Variants in DSCAML1 observed in about 807,000 individuals in gnomAD.
DSCAML1 encodes DS cell adhesion molecule like 1.
In DSCAML1, 38 loss-of-function variants were observed where a neutral mutation model predicts 200.5. The ratio of observed to expected loss-of-function variants is 0.19; its 90% CI spans 0.15 to 0.25. The LOEUF (loss-of-function observed/expected upper bound fraction) is 0.25. Among genes scored for constraint, DSCAML1 ranks in the 10% least tolerant of loss-of-function variants. DSCAML1 has a pLI of 1.00. For missense variants in DSCAML1, 2,223 were observed against 2,858.8 expected (o/e 0.78, Z 5.07); for synonymous variants, 1,215 against 1,165.0 (o/e 1.04, Z -0.87).
chr11:117,590,729 A>G (rs2051242683), intron 3 of DSCAML1, among the ~76,000 whole-genome samples: 1 of 152,228 alleles, frequency 6.6e-6, no homozygotes, highest in Non-Finnish European at 1.5e-5. Context: ...GCTGGGACCC[A>G]CTGTGCAGTG....
At chr11:117,591,352 G>A (rs1196287768) in intron 3 of DSCAML1, among the ~76,000 whole-genome samples, 2 of 152,122 alleles carry the variant, frequency 1.3e-5, no homozygotes, top group East Asian at 1.9e-4. Flanking sequence ...CGTCCTGAGC[G>A]CCTGCCTCTG....
intron 1 of DSCAML1, among the ~76,000 whole-genome samples, chr11:117,788,322 TTTGTTG>T (rs529711188): frequency 1.2e-4 from 19 of 152,168 alleles, no homozygotes; most frequent in South Asian, 1.2e-3. Context: ...TGTTTTTGTT[TTTGTTG>T]TTGTTGTTGT....
rs57956623 is a variant in DSCAML1 at position 117,689,382 on chromosome 11, A to G, written c.511+87409T>C. ...AAAATTTCAGGCCCTGCCCTGAGAA[A>G]TCAGAGCCTGTCTGATAACACAAAC... On this transcript the variant is annotated intron_variant, in intron 3 of 32. Coordinates refer to ENST00000651296, the MANE Select transcript of DSCAML1 (RefSeq NM_020693.4). Among the ~76,000 whole-genome samples the G allele has an allele frequency of 6.6e-3, 1,012 of 152,344 alleles. 17 individuals carry two copies. Among genetic ancestry groups the G allele is most frequent in the African/African-American group, 0.023 (950 of 41,584 alleles).
At chr11:117,557,945 G>A (rs2050589110) in intron 3 of DSCAML1, among the ~76,000 whole-genome samples, 1 of 152,066 alleles carries the variant, frequency 6.6e-6, no homozygotes, top group African/African-American at 2.4e-5. Context: ...GCATCTAGTG[G>A]GTAAAGGCCA....
chr11:117,595,379 T>C (rs2051344437), intron 3 of DSCAML1, among the ~76,000 whole-genome samples: 1 of 152,216 alleles, frequency 6.6e-6, no homozygotes, highest in Non-Finnish European at 1.5e-5. Context: ...CAACAAGAGA[T>C]AGACTTGGTA....
intron 3 of DSCAML1, among the ~76,000 whole-genome samples, chr11:117,772,908 C>T (rs2055065146): frequency 6.6e-6 from 1 of 152,184 alleles, no homozygotes; most frequent in African/African-American, 2.4e-5. Context: ...ATGCTTTACA[C>T]ACATCTTTAA....
chr11:117,591,021 T>C (rs2051248410), intron 3 of DSCAML1, among the ~76,000 whole-genome samples: 1 of 152,090 alleles, frequency 6.6e-6, no homozygotes, highest in Admixed American at 6.5e-5. Context: ...TTGTGAAATA[T>C]GAGTGATGGG....
chr11:117,450,699 A>T lies in DSCAML1; in HGVS notation c.3569-11T>A, dbSNP rs1200180582. On this transcript the variant is annotated splice_polypyrimidine_tract_variant and intron_variant, in intron 19 of 32. Coordinates refer to ENST00000651296, the MANE Select transcript of DSCAML1 (RefSeq NM_020693.4). ...CAGGGGGACCTGGAACTGAGCAGGG[A>T]GAAGGCCTGGTCAGTTGAGAGAAAG... is the stretch of plus-strand genomic sequence containing the variant. 6.2e-7 allele frequency: 1 copy of T among 1,612,870 alleles called. No homozygotes were observed. Among genetic ancestry groups the T allele is most frequent in the Admixed American group, 1.7e-5 (1 of 59,870 alleles).
At chr11:117,606,581 T>C (rs2051570431) in intron 3 of DSCAML1, among the ~76,000 whole-genome samples, 1 of 152,220 alleles carries the variant, frequency 6.6e-6, no homozygotes, top group Non-Finnish European at 1.5e-5. Context: ...TCTCTTCTCT[T>C]AGATACATCC....
intron 3 of DSCAML1, among the ~76,000 whole-genome samples, chr11:117,578,254 A>G (rs906017686): frequency 6.0e-5 from 9 of 150,450 alleles, no homozygotes; most frequent in Admixed American, 1.3e-4. Context: ...AAAAAAAAAA[A>G]AAGAAGAAAA....
chr11:117,680,568 G>A (rs931379215), intron 3 of DSCAML1, among the ~76,000 whole-genome samples: 49 of 152,332 alleles, frequency 3.2e-4, no homozygotes, highest in Admixed American at 6.5e-4. Flanking sequence ...ACTGACTCAG[G>A]CTGGGGTCCA....
chr11:117,677,854 C>T (rs2053241654), intron 3 of DSCAML1, among the ~76,000 whole-genome samples: 1 of 152,182 alleles, frequency 6.6e-6, no homozygotes, highest in South Asian at 2.1e-4. Context: ...AGGGACACAA[C>T]CCCAGGCAGC....
chr11:117,758,219 G>C (rs959087625), intron 3 of DSCAML1, among the ~76,000 whole-genome samples: 2 of 151,106 alleles, frequency 1.3e-5, no homozygotes, highest in Non-Finnish European at 2.9e-5. Context: ...ATAATTGCTT[G>C]AACGTGGGAG....
At chr11:117,549,493 CAGGTT>C (rs2050433704) in intron 3 of DSCAML1, among the ~76,000 whole-genome samples, 2 of 152,362 alleles carry the variant, frequency 1.3e-5, no homozygotes, top group South Asian at 4.1e-4. Flanking sequence ...TGACCTTGCA[CAGGTT>C]ACTTAGCCTC....
chr11:117,599,403 T>G (rs950448314), intron 3 of DSCAML1, among the ~76,000 whole-genome samples: 5 of 152,240 alleles, frequency 3.3e-5, no homozygotes, highest in African/African-American at 1.2e-4. Context: ...TTACTCATTC[T>G]CATAGCATTA....
intron 3 of DSCAML1, chr11:117,611,498 C>G (rs1328062451): frequency 3.3e-5 from 5 of 152,274 alleles, no homozygotes; most frequent in African/African-American, 1.2e-4. Flanking sequence ...CTGTGGTCTT[C>G]CCAAGAGCAG....
chr11:117,809,845 A>G (rs1417721389), intron 1 of DSCAML1, among the ~76,000 whole-genome samples: 2 of 151,940 alleles, frequency 1.3e-5, no homozygotes, highest in Non-Finnish European at 2.9e-5. Context: ...ACACAGTCAC[A>G]TACACACTCA....
intron 1 of DSCAML1, among the ~76,000 whole-genome samples, chr11:117,813,216 C>A (rs982597227): frequency 6.6e-6 from 1 of 152,238 alleles, no homozygotes; most frequent in African/African-American, 2.4e-5. Flanking sequence ...GACATGTCCT[C>A]AGAATGCTAC....
chr11:117,754,505 CG>C (rs903396398), intron 3 of DSCAML1, among the ~76,000 whole-genome samples: 53 of 151,714 alleles, frequency 3.5e-4, no homozygotes, highest in Middle Eastern at 3.4e-3. Context: ...GATGGGGGAG[CG>C]GGGGGTGTGA....
Sources: allele counts gnomAD v4.1 joint callset (sites outside exome capture counted in the v4.1 genomes callset), GRCh38; gene constraint gnomAD v4.1.1; transcripts MANE v1.5; gene names NCBI Gene and HGNC (gene_info 2026-07-23, HGNC 2026-07-21).